YTHDC2: variants seen among roughly 807,000 people sequenced by gnomAD.
The protein encoded by YTHDC2 is 3'-5' RNA helicase YTHDC2.
In YTHDC2, 45 loss-of-function variants were observed where a neutral mutation model predicts 174.9. That is an observed-to-expected ratio of 0.26 (90% CI 0.20 to 0.33). The LOEUF is 0.33. YTHDC2 is among the 10% of genes least tolerant of loss of function. YTHDC2 has a pLI of 1.00. For synonymous variants in YTHDC2, 657 were observed against 574.5 expected, an observed-to-expected ratio of 1.14 and a Z score of -2.05; for missense variants, 1,650 against 1,723.7, an observed-to-expected ratio of 0.96 and a Z score of 0.76.
In YTHDC2 at chr5:113,536,959, C is replaced by T. The variant is rs79738700; in HGVS notation, c.1102+1161C>T. ...TGGATCTAGTTCTTTATTTTAAGCACCTGCATAATAAAGTATTTCATAATA... is the reference window on the plus strand; with the variant it reads ...TGGATCTAGTTCTTTATTTTAAGCATCTGCATAATAAAGTATTTCATAATA... On this transcript the variant is annotated intron_variant, in intron 7 of 29. Transcript: ENST00000161863. Among the ~76,000 whole-genome samples, 1,000 of 152,174 alleles carry T rather than the reference C, an allele frequency of 6.6e-3. 7 individuals carry two copies. Among genetic ancestry groups the T allele is most frequent in the African/African-American group, 0.022 (931 of 41,516 alleles).
At chr5:113,534,522 G>T in intron 6 of YTHDC2, 115 bp downstream of exon 6, 1 of 802,856 alleles carries the variant, frequency 1.2e-6, no homozygotes. Flanking sequence ...TTTTGGAATA[G>T]GGTAGAAAAG....
At chr5:113,586,279 T>C (rs1343114076) in intron 26 of YTHDC2, among the ~76,000 whole-genome samples, 1 of 152,050 alleles carries the variant, frequency 6.6e-6, no homozygotes, top group Non-Finnish European at 1.5e-5. Context: ...CATCTTTTCA[T>C]GTGCTTATTA....
intron 18 of YTHDC2, among the ~76,000 whole-genome samples, chr5:113,561,710 A>G (rs1031496814): frequency 6.6e-6 from 1 of 150,416 alleles, no homozygotes; most frequent in Non-Finnish European, 1.5e-5. Context: ...CTCATGATTC[A>G]CCCGCCTCAG....
chr5:113,543,484 A>G (rs889405962), intron 10 of YTHDC2, among the ~76,000 whole-genome samples: 4 of 152,144 alleles, frequency 2.6e-5, no homozygotes, highest in East Asian at 1.9e-4. Flanking sequence ...CCTACTGTAC[A>G]TTTCACTCCC....
chr5:113,586,955 TATAA>T (rs1188109557), intron 26 of YTHDC2, among the ~76,000 whole-genome samples: 16 of 74,318 alleles, frequency 2.2e-4, no homozygotes, highest in African/African-American at 1.0e-3. Context: ...ATATATAATA[TATAA>T]ATATATATTA....
In YTHDC2 at chr5:113,589,024, A is replaced by G. The variant is rs555302678; in HGVS notation, c.3826-2017A>G. ...CTATAATGTATTGTTTTTACTTTAC[A>G]TAGTCAGTTACCTTTATGAAGATTT... On this transcript the variant is annotated intron_variant, in intron 26 of 29. Transcript: ENST00000161863. 3.9e-5 allele frequency among the ~76,000 whole-genome samples: 6 copies of G among 152,266 alleles called. 1 individual carries two copies. The highest frequency in any genetic ancestry group is 1.9e-4 in the East Asian group (1 of 5,186).
In YTHDC2 at chr5:113,513,905, C is replaced by A. The variant is rs1241898803; in HGVS notation, c.10C>A (p.Pro4Thr). 8 of 1,603,894 alleles carry A rather than the reference C, an allele frequency of 5.0e-6. No individual in the cohort carries two copies. The South Asian group carries it at 7.8e-5, about 16-fold the overall frequency. The stretch of plus-strand genomic sequence containing the variant: ...CCATCTCTTCAGGGCAATGTCCAGG[C>A]CGAGCAGCGTCTCCCCGCGGCAGCC... MSR[P>T]SSVSPRQPAP... The change falls in exon 1 of 30, where the codon CCG (proline) becomes ACG (threonine). Residue 4 changes from proline to threonine, a missense_variant. By Grantham distance (38) the Pro-to-Thr change is conservative. Coordinates refer to ENST00000161863, the MANE Select transcript of YTHDC2 (RefSeq NM_022828.5).
In YTHDC2 at chr5:113,567,180, A is replaced by G. The variant is rs773282605; in HGVS notation, c.2931A>G (p.Ala977=). 6.2e-7 allele frequency: 1 copy of G among 1,613,930 alleles called. No homozygotes were observed. The highest frequency in any genetic ancestry group is 1.1e-5 in the South Asian group (1 of 91,070). ...NWAVVKAALV[A]GMYPNLVHVD... is the part of the protein sequence containing the mutation. ...CTGTCGTTAAAGCTGCATTGGTGGC[A>G]GGCATGTATCCTAATTTAGTCCACG... is the stretch of plus-strand genomic sequence containing the variant. The change falls in exon 22 of 30, where the codon GCA becomes GCG. Residue 977 remains alanine, a synonymous_variant. Coordinates refer to ENST00000161863, the MANE Select transcript of YTHDC2 (RefSeq NM_022828.5).
At chr5:113,552,185 A>G (rs759105523) in intron 12 of YTHDC2, among the ~76,000 whole-genome samples, 1 of 152,134 alleles carries the variant, frequency 6.6e-6, no homozygotes, top group Middle Eastern at 3.2e-3. Flanking sequence ...TTGAGATATA[A>G]TTAATATACC....
chr5:113,526,824 AAAATATAT>A (rs1317194375), intron 4 of YTHDC2, 39 bp downstream of exon 4: 22 of 289,892 alleles, frequency 7.6e-5, no homozygotes, highest in African/African-American at 4.1e-4. Context: ...AAAAAAAAAA[AAAATATAT>A]ATATATATAT....
Position 113,593,528 on chromosome 5 carries a change from T to C in YTHDC2, c.*54T>C, listed in dbSNP as rs982510464. 55 of 638,618 alleles carry C rather than the reference T, an allele frequency of 8.6e-5. No homozygotes were observed. In the East Asian group the frequency reaches 9.7e-4, roughly 11 times the overall value. The allele number at this position is 638,618 out of a possible 1,614,324, so 39.6% of individuals were successfully genotyped here. On this transcript the variant is annotated 3_prime_UTR_variant, in exon 30 of 30. Coordinates refer to ENST00000161863, the MANE Select transcript of YTHDC2 (RefSeq NM_022828.5). The stretch of plus-strand genomic sequence containing the variant: ...ATCATGCCTATTTATAACCACTGAA[T>C]GCACTGACTTTCAAAAACTGAGGTG...
chr5:113,558,507 G>A lies in YTHDC2; in HGVS notation c.2216+2373G>A, dbSNP rs182714136. On this transcript the variant is annotated intron_variant, in intron 17 of 29. Coordinates refer to ENST00000161863, the MANE Select transcript of YTHDC2 (RefSeq NM_022828.5). ...TGGTGATTGATTGTGTATGTAGGGG[G>A]TGAGGGGTAAGGAAGAGAGTGGAGT... 6.3e-3 allele frequency among the ~76,000 whole-genome samples: 952 copies of A among 152,290 alleles called. 19 individuals carry two copies. The highest frequency in any genetic ancestry group is 6.2e-3 in the Non-Finnish European group (420 of 68,016).
At chr5:113,560,174 C>A (rs1434246920) in intron 17 of YTHDC2, among the ~76,000 whole-genome samples, 1 of 151,926 alleles carries the variant, frequency 6.6e-6, no homozygotes, top group African/African-American at 2.4e-5. Context: ...GGCTTGGCTC[C>A]TTCTGAATTA....
chr5:113,593,443 T>C, intron 29 of YTHDC2, 39 bp from the exon 30 acceptor site: 2 of 1,359,486 alleles, frequency 1.5e-6, no homozygotes, highest in Non-Finnish European at 2.1e-6. Flanking sequence ...ATTAGGAACC[T>C]TTCAGATTAT....
chr5:113,568,940 C>T (rs1313894384), intron 23 of YTHDC2, among the ~76,000 whole-genome samples: 1 of 151,984 alleles, frequency 6.6e-6, no homozygotes, highest in Non-Finnish European at 1.5e-5. Flanking sequence ...ATGCTGTCTC[C>T]CATGGTGGTT....
intron 18 of YTHDC2, among the ~76,000 whole-genome samples, chr5:113,562,991 T>C (rs190506905): frequency 4.4e-4 from 67 of 152,294 alleles, no homozygotes; most frequent in African/African-American, 1.3e-3. Context: ...GCACAGGGCC[T>C]TGCACTTAGA....
chr5:113,526,022 G>T (rs1159288647), intron 3 of YTHDC2, among the ~76,000 whole-genome samples: 1 of 152,006 alleles, frequency 6.6e-6, no homozygotes, highest in Non-Finnish European at 1.5e-5. Context: ...TAGGAAATTT[G>T]TTAACATTAG....
intron 2 of YTHDC2, among the ~76,000 whole-genome samples, chr5:113,516,672 G>A (rs1235338622): frequency 2.0e-5 from 3 of 152,144 alleles, no homozygotes; most frequent in Admixed American, 6.5e-5. Context: ...AAATTGCTCA[G>A]GTTGAGAACT....
chr5:113,530,179 C>T (rs1018537079), intron 4 of YTHDC2, among the ~76,000 whole-genome samples: 1 of 152,018 alleles, frequency 6.6e-6, no homozygotes, highest in African/African-American at 2.4e-5. Context: ...TGTATTATAT[C>T]AGGTAGGAAT....
Sources: gnomAD v4.1 joint callset for allele counts (sites outside exome capture counted in the v4.1 genomes callset) on GRCh38, gnomAD v4.1.1 for gene constraint, MANE v1.5 for transcripts, NCBI Gene and HGNC (gene_info 2026-07-23, HGNC 2026-07-21) for gene names.